FAM13A: variants seen among roughly 807,000 people sequenced by gnomAD.
FAM13A encodes the protein family with sequence similarity 13 member A.
A neutral mutation model predicts 129.6 loss-of-function variants in FAM13A; 76 were observed. The ratio of observed to expected loss-of-function variants is 0.59; its 90% CI spans 0.49 to 0.71. The LOEUF (loss-of-function observed/expected upper bound fraction) is 0.71, where lower values mean the gene tolerates loss of function less well. FAM13A is among the 30% of genes least tolerant of loss of function. The pLI is 0.00. For synonymous variants in FAM13A, 443 were observed against 449.9 expected (o/e 0.98, Z 0.20); for missense variants, 1,108 against 1,249.3 (o/e 0.89, Z 1.70).
intron 7 of FAM13A, among the ~76,000 whole-genome samples, chr4:88,807,276 C>A (rs1425371925): frequency 6.6e-6 from 1 of 152,138 alleles, no homozygotes; most frequent in Non-Finnish European, 1.5e-5. Context: ...TGTCTGTGTG[C>A]TAAATTTCTC....
intron 4 of FAM13A, among the ~76,000 whole-genome samples, chr4:88,980,544 T>C (rs1449555845): frequency 1.3e-5 from 2 of 151,136 alleles, no homozygotes; most frequent in South Asian, 2.1e-4. Flanking sequence ...AATCACCCAT[T>C]CTTTAATATT....
At chr4:89,012,797 T>C (rs192897954) in intron 3 of FAM13A, among the ~76,000 whole-genome samples, 1 of 152,042 alleles carries the variant, frequency 6.6e-6, no homozygotes, top group African/African-American at 2.4e-5. Flanking sequence ...ATCTGAAAAA[T>C]TTTAAGCACA....
intron 7 of FAM13A, among the ~76,000 whole-genome samples, chr4:88,850,663 G>A (rs575506284): frequency 6.6e-6 from 1 of 152,080 alleles, no homozygotes; most frequent in Admixed American, 6.5e-5. Context: ...ATTAGTTTGT[G>A]AGAGTTGGTT....
chr4:88,734,896 C>G (rs76805732), intron 21 of FAM13A, among the ~76,000 whole-genome samples: 3,234 of 152,334 alleles, frequency 0.021, 102 homozygotes, highest in African/African-American at 0.074. Context: ...ATGAAAGGGT[C>G]TCAGTCATCC....
intron 6 of FAM13A, among the ~76,000 whole-genome samples, chr4:88,862,721 C>T (rs1739691852): frequency 6.7e-6 from 1 of 149,964 alleles, no homozygotes; most frequent in Non-Finnish European, 1.5e-5. Context: ...TGCTCATATC[C>T]CTCCTTCTTC....
Position 88,737,437 on chromosome 4 carries a change from G to A in FAM13A, c.2646+35C>T, listed in dbSNP as rs780373580. 1.4e-5 allele frequency: 22 copies of A among 1,574,866 alleles called. No homozygotes were observed. The East Asian group carries it at 3.8e-4, about 27-fold the overall frequency. Reference sequence around the variant, plus strand: ...AGGGGAGGAGGGAGGGAACTGGTGCGGATTTAGCAATGGGTTAGCAGCTGG... The same window carrying A: ...AGGGGAGGAGGGAGGGAACTGGTGCAGATTTAGCAATGGGTTAGCAGCTGG... On this transcript the variant is annotated intron_variant, in intron 21 of 23. Coordinates refer to ENST00000264344, the MANE Select transcript of FAM13A (RefSeq NM_014883.4).
At chr4:88,839,887 C>T (rs970915299) in intron 7 of FAM13A, among the ~76,000 whole-genome samples, 1 of 152,156 alleles carries the variant, frequency 6.6e-6, no homozygotes, top group African/African-American at 2.4e-5. Flanking sequence ...CTGGATATAA[C>T]TACCTGGAAT....
At chr4:88,786,651 T>G (rs998312439) in intron 10 of FAM13A, among the ~76,000 whole-genome samples, 2 of 152,132 alleles carry the variant, frequency 1.3e-5, no homozygotes, top group Non-Finnish European at 2.9e-5. Context: ...TGTAAATCAG[T>G]GGGTTATATT....
At chr4:88,966,941 C>T (rs2704596) in intron 4 of FAM13A, among the ~76,000 whole-genome samples, 108,149 of 152,014 alleles carry the variant, frequency 0.71, 38,733 homozygotes, top group Middle Eastern at 0.81. Context: ...CTCTGCTATG[C>T]TTTGCAATTA....
intron 14 of FAM13A, 24 bp downstream of exon 14, chr4:88,758,730 C>A: frequency 6.2e-6 from 10 of 1,601,970 alleles, no homozygotes; most frequent in South Asian, 2.2e-5. Context: ...GATAGCAAAT[C>A]ATCCAAGTAT....
chr4:89,006,644 G>C (rs931087272), intron 3 of FAM13A, among the ~76,000 whole-genome samples: 1 of 152,214 alleles, frequency 6.6e-6, no homozygotes, highest in African/African-American at 2.4e-5. Context: ...GCTCAGTGGA[G>C]AGTCAGTGTG....
intron 19 of FAM13A, 51 bp from the exon 20 acceptor site, chr4:88,739,176 C>T: frequency 7.9e-7 from 1 of 1,267,102 alleles, no homozygotes; most frequent in East Asian, 2.3e-5. Flanking sequence ...GGAGTCACAA[C>T]CAGCTGTCTA....
At chr4:88,873,546 A>G (rs1258366540) in intron 6 of FAM13A, among the ~76,000 whole-genome samples, 2 of 152,222 alleles carry the variant, frequency 1.3e-5, no homozygotes, top group East Asian at 3.8e-4. Context: ...TCTAGAAGAA[A>G]TGGATAAATT....
intron 11 of FAM13A, among the ~76,000 whole-genome samples, chr4:88,777,288 T>G (rs373371917): frequency 6.6e-6 from 1 of 152,202 alleles, no homozygotes; most frequent in East Asian, 1.9e-4. Context: ...TTAGGAAACT[T>G]ACTTTGTCAT....
chr4:88,895,073 A>G (rs1746052377), intron 6 of FAM13A, among the ~76,000 whole-genome samples: 1 of 152,170 alleles, frequency 6.6e-6, no homozygotes, highest in Admixed American at 6.5e-5. Context: ...ATGACAACAC[A>G]TGAAATACTA....
rs747312526 is a variant in FAM13A at position 88,823,576 on chromosome 4, GGAAA to G, written c.1008-18528_1008-18525del. On this transcript the variant is annotated intron_variant, in intron 7 of 23. Transcript: ENST00000264344. ...TGCCAGCAAGGATTCCATTTGTCAA[GGAAA>G]GACACTGCCCACGAAACTAAAGGTT... Among the ~76,000 whole-genome samples, 34 of 152,212 alleles carry G rather than the reference GGAAA, an allele frequency of 2.2e-4. 1 individual carries two copies. The highest frequency in any genetic ancestry group is 5.2e-4 in the Admixed American group (8 of 15,276).
intron 2 of FAM13A, among the ~76,000 whole-genome samples, chr4:89,023,083 T>C (rs1195473030): frequency 6.6e-6 from 1 of 152,238 alleles, no homozygotes; most frequent in Non-Finnish European, 1.5e-5. Flanking sequence ...TTTAATCTAT[T>C]ATGTTTTGGG....
At chr4:88,961,327 C>T (rs1049851957) in intron 4 of FAM13A, among the ~76,000 whole-genome samples, 11 of 142,798 alleles carry the variant, frequency 7.7e-5, no homozygotes, top group Non-Finnish European at 1.7e-4. Context: ...AAAACAAATC[C>T]TCAGCTTTGT....
At chr4:89,025,235 T>C (rs1257237142) in intron 2 of FAM13A, among the ~76,000 whole-genome samples, 5 of 136,692 alleles carry the variant, frequency 3.7e-5, no homozygotes. Context: ...AGGTTAACCA[T>C]GGAATCATTG....
Sources: allele counts gnomAD v4.1 joint callset (sites outside exome capture counted in the v4.1 genomes callset), GRCh38; gene constraint gnomAD v4.1.1; transcripts MANE v1.5; gene names NCBI Gene and HGNC (gene_info 2026-07-23, HGNC 2026-07-21).